The following TUSC3 variants were observed in gnomAD, a reference collection of about 807,000 sequenced individuals.
TUSC3 encodes dolichyl-diphosphooligosaccharide--protein glycosyltransferase subunit TUSC3.
TUSC3 carries 45 observed loss-of-function variants against 44.8 expected under a neutral mutation model. The observed-to-expected ratio is 1.00, with a 90% CI of 0.79 to 1.29. TUSC3 has a LOEUF of 1.29. TUSC3 is among the 50% of genes most tolerant of loss of function. The pLI is 0.00. For missense variants in TUSC3, 519 were observed against 437.9 expected (o/e 1.19, Z -1.65); for synonymous variants, 212 against 152.9 (o/e 1.39, Z -2.85).
chr8:15,625,107 T>C (rs1473506758), intron 2 of TUSC3, among the ~76,000 whole-genome samples: 3 of 152,210 alleles, frequency 2.0e-5, no homozygotes, highest in South Asian at 2.1e-4. Flanking sequence ...GTTGTCACTT[T>C]ATGTAGTTTT....
At chr8:15,819,000 G>C in the TUSC3 span, among the ~76,000 whole-genome samples, 1 of 152,066 alleles carries the variant, frequency 6.6e-6, no homozygotes, top group Non-Finnish European at 1.5e-5. Flanking sequence ...GAGGCAGGAG[G>C]ATCACTTGAG....
chr8:15,731,684 G>A (rs1249826511), intron 7 of TUSC3, among the ~76,000 whole-genome samples: 1 of 152,132 alleles, frequency 6.6e-6, no homozygotes. Context: ...TTATTATGGT[G>A]TGTGACATAT....
At chr8:15,428,236 C>A (rs570075449) in intron 1 of TUSC3, among the ~76,000 whole-genome samples, 13 of 148,628 alleles carry the variant, frequency 8.7e-5, no homozygotes, top group African/African-American at 3.0e-4. Flanking sequence ...TTTTTGTCCT[C>A]ACGATACTTC....
At chr8:15,594,604 G>T (rs1803987621) in intron 1 of TUSC3, among the ~76,000 whole-genome samples, 1 of 152,152 alleles carries the variant, frequency 6.6e-6, no homozygotes, top group African/African-American at 2.4e-5. Flanking sequence ...AACATTCAGT[G>T]TAGGGATAAT....
chr8:15,695,834 T>C (rs1809134617), intron 6 of TUSC3, among the ~76,000 whole-genome samples: 3 of 152,182 alleles, frequency 2.0e-5, no homozygotes, highest in African/African-American at 7.2e-5. Context: ...CCCTAGAGAT[T>C]TGTGGAACTT....
intron 1 of TUSC3, among the ~76,000 whole-genome samples, chr8:15,461,903 T>A (rs761327142): frequency 1.3e-5 from 2 of 152,066 alleles, no homozygotes; most frequent in Non-Finnish European, 2.9e-5. Flanking sequence ...AAAAATACTG[T>A]ATGAAACTAT....
chr8:15,794,362 C>A, the TUSC3 span, among the ~76,000 whole-genome samples: 1 of 152,142 alleles, frequency 6.6e-6, no homozygotes, highest in Admixed American at 6.5e-5. Context: ...ATGTTTCTAA[C>A]TGGAAAATCA....
At chr8:15,748,731 G>C (rs1268062077) in intron 9 of TUSC3, 1 of 599,508 alleles carries the variant, frequency 1.7e-6, no homozygotes, top group Non-Finnish European at 3.2e-6. Context: ...AGCTCATTTT[G>C]AGGACTTGAA....
chr8:15,635,666 A>G (rs1222903833), intron 2 of TUSC3, among the ~76,000 whole-genome samples: 1 of 152,242 alleles, frequency 6.6e-6, no homozygotes, highest in Non-Finnish European at 1.5e-5. Flanking sequence ...ACAAAGGCTC[A>G]TTAAAGTCAG....
At chr8:15,537,921 C>G (rs1801547299), upstream of TUSC3, among the ~76,000 whole-genome samples, 2 of 152,056 alleles carry the variant, frequency 1.3e-5, no homozygotes. Context: ...TTTTATGTCT[C>G]AAGGAAACAG....
chr8:15,472,365 A>G (rs182690392), intron 1 of TUSC3, among the ~76,000 whole-genome samples: 1 of 152,362 alleles, frequency 6.6e-6, no homozygotes, highest in Non-Finnish European at 1.5e-5. Flanking sequence ...AAACTTTTCT[A>G]TCTAGAAAGT....
chr8:15,420,563 C>A (rs377728100), intron 1 of TUSC3, among the ~76,000 whole-genome samples: 20 of 151,506 alleles, frequency 1.3e-4, no homozygotes, highest in African/African-American at 4.9e-4. Flanking sequence ...GAAGTCATTT[C>A]CCCTAACAGT....
At chr8:15,692,077 G>C (rs1808924995) in intron 6 of TUSC3, among the ~76,000 whole-genome samples, 1 of 152,094 alleles carries the variant, frequency 6.6e-6, no homozygotes, top group African/African-American at 2.4e-5. Context: ...CACCACGCCT[G>C]GCACATGTGG....
At chr8:15,658,633 T>TACAC (rs551780920) in intron 3 of TUSC3, among the ~76,000 whole-genome samples, 160 of 108,978 alleles carry the variant, frequency 1.5e-3, no homozygotes, top group Non-Finnish European at 1.9e-3. Context: ...TATATACACA[T>TACAC]ATATATACAC....
At chr8:15,600,636 T>G (rs1020696544) in intron 1 of TUSC3, among the ~76,000 whole-genome samples, 1 of 151,626 alleles carries the variant, frequency 6.6e-6, no homozygotes, top group Non-Finnish European at 1.5e-5. Context: ...ACACGAACAT[T>G]TGAGGAGGTA....
the TUSC3 span, among the ~76,000 whole-genome samples, chr8:15,813,996 G>A: frequency 6.6e-6 from 1 of 152,144 alleles, no homozygotes; most frequent in Non-Finnish European, 1.5e-5. Flanking sequence ...ACCTCACTGG[G>A]TAATTGTGAG....
intron 9 of TUSC3, chr8:15,748,817 A>G (rs762007577): frequency 2.1e-6 from 1 of 483,128 alleles, no homozygotes; most frequent in Non-Finnish European, 4.1e-6. Context: ...TTCACTGTTC[A>G]TTGTCTAATA....
At chr8:15,517,250 G>A (rs1801229663) in intron 2 of TUSC3, among the ~76,000 whole-genome samples, 1 of 152,112 alleles carries the variant, frequency 6.6e-6, no homozygotes, top group East Asian at 1.9e-4. Context: ...ACAAATAATT[G>A]ATTTGTGTAG....
the TUSC3 span, among the ~76,000 whole-genome samples, chr8:15,797,922 G>A: frequency 2.6e-5 from 4 of 151,830 alleles, no homozygotes; most frequent in Admixed American, 6.6e-5. Context: ...TTTTTCCACC[G>A]ACTATATAAG....
Sources: gnomAD v4.1 joint callset for allele counts (sites outside exome capture counted in the v4.1 genomes callset) on GRCh38, gnomAD v4.1.1 for gene constraint, MANE v1.5 for transcripts, NCBI Gene and HGNC (gene_info 2026-07-23, HGNC 2026-07-21) for gene names.